The following ELMO1 variants were observed in gnomAD, a reference collection of about 807,000 sequenced individuals.
ELMO1 encodes the protein engulfment and cell motility 1.
In ELMO1, 26 loss-of-function variants were observed where a neutral mutation model predicts 98.9. That is an observed-to-expected ratio of 0.26 (90% CI 0.19 to 0.36). The LOEUF is 0.36. Among genes scored for constraint, ELMO1 ranks in the 10% least tolerant of loss-of-function variants. ELMO1 has a pLI of 1.00. For synonymous variants in ELMO1, 346 were observed against 346.0 expected (o/e 1.00, Z 0.00); for missense variants, 627 against 935.2 (o/e 0.67, Z 4.30).
intron 2 of ELMO1, among the ~76,000 whole-genome samples, chr7:37,321,673 C>T (rs1263924983): frequency 3.9e-5 from 5 of 127,872 alleles, no homozygotes; most frequent in South Asian, 5.2e-4. Flanking sequence ...GCCGAGATCG[C>T]GCCACTGCAC....
At chr7:36,909,353 C>A (rs958077413) in intron 16 of ELMO1, among the ~76,000 whole-genome samples, 1 of 152,130 alleles carries the variant, frequency 6.6e-6, no homozygotes. Flanking sequence ...GGACATCTGA[C>A]AGGTGAAAAC....
chr7:37,157,150 T>A (rs1788834106), intron 13 of ELMO1, among the ~76,000 whole-genome samples: 1 of 152,182 alleles, frequency 6.6e-6, no homozygotes, highest in Non-Finnish European at 1.5e-5. Context: ...AAAATAGGTA[T>A]TGATGGAATG....
chr7:37,098,683 A>G (rs1369179168), intron 14 of ELMO1, among the ~76,000 whole-genome samples: 2 of 152,306 alleles, frequency 1.3e-5, no homozygotes, highest in East Asian at 3.9e-4. Flanking sequence ...CAGGGAAACC[A>G]TTCTGATTCT....
intron 13 of ELMO1, among the ~76,000 whole-genome samples, chr7:37,174,795 C>A (rs117303411): frequency 6.6e-6 from 1 of 152,282 alleles, no homozygotes; most frequent in East Asian, 1.9e-4. Context: ...AGCTGTCCCA[C>A]AATATAATCA....
intron 4 of ELMO1, among the ~76,000 whole-genome samples, chr7:37,278,036 C>A (rs1424256624): frequency 6.6e-6 from 1 of 151,478 alleles, no homozygotes; most frequent in Non-Finnish European, 1.5e-5. Flanking sequence ...ATGACCCATG[C>A]ATGCTTTGAA....
At chr7:37,392,179 C>G (rs1385377858) in intron 1 of ELMO1, among the ~76,000 whole-genome samples, 1 of 152,100 alleles carries the variant, frequency 6.6e-6, no homozygotes, top group African/African-American at 2.4e-5. Context: ...TCTGATGTGG[C>G]TCCAGACTTC....
chr7:37,213,311 G>T (rs201628584), intron 12 of ELMO1, 24 bp downstream of exon 12: 3 of 1,608,094 alleles, frequency 1.9e-6, no homozygotes, highest in East Asian at 2.2e-5. Flanking sequence ...CCTGTGCTTT[G>T]ACTGCTGTCC....
chr7:37,422,005 G>A (rs1477398526), intron 1 of ELMO1, among the ~76,000 whole-genome samples: 1 of 152,118 alleles, frequency 6.6e-6, no homozygotes, highest in Non-Finnish European at 1.5e-5. Context: ...CCATACAAAG[G>A]ATGACCTTTA....
In ELMO1 at chr7:36,854,602, T is replaced by C. The variant is rs986201518; in HGVS notation, c.*949A>G. ...TTGTAAATACCAGTAATAATTACAA[T>C]GATGTAAACTTGGATGTCTGACAGC... On this transcript the variant is annotated 3_prime_UTR_variant, in exon 22 of 22. Transcript: ENST00000310758. 2 of 149,452 alleles carry C rather than the reference T, an allele frequency of 1.3e-5. No individual in the cohort carries two copies. Among genetic ancestry groups the C allele is most frequent in the Non-Finnish European group, 3.0e-5 (2 of 67,626 alleles). 9.3% of individuals were successfully genotyped at this position (149,452 alleles called of 1,614,324 possible).
At chr7:37,406,353 C>G (rs1408120114) in intron 1 of ELMO1, among the ~76,000 whole-genome samples, 4 of 150,748 alleles carry the variant, frequency 2.7e-5, no homozygotes, top group African/African-American at 7.3e-5. Flanking sequence ...AACTCAGTAG[C>G]CACAACAATG....
chr7:36,876,537 A>G (rs1804001314), intron 19 of ELMO1, among the ~76,000 whole-genome samples: 1 of 152,160 alleles, frequency 6.6e-6, no homozygotes, highest in Non-Finnish European at 1.5e-5. Context: ...ACTGGCGGGA[A>G]CATCTGTTAA....
chr7:37,266,675 A>T (rs1476880976), intron 5 of ELMO1, among the ~76,000 whole-genome samples: 2 of 152,176 alleles, frequency 1.3e-5, no homozygotes, highest in Non-Finnish European at 2.9e-5. Context: ...ATATTTGTGT[A>T]TTTCTTTAAT....
intron 1 of ELMO1, among the ~76,000 whole-genome samples, chr7:37,405,871 G>A (rs1361383699): frequency 3.3e-5 from 5 of 152,206 alleles, no homozygotes; most frequent in East Asian, 1.9e-4. Context: ...CTAGCCTCTG[G>A]AAAGTTGGCC....
At chr7:37,126,390 G>C (rs961005060) in intron 14 of ELMO1, among the ~76,000 whole-genome samples, 1 of 150,146 alleles carries the variant, frequency 6.7e-6, no homozygotes, top group Admixed American at 6.7e-5. Context: ...AGAGAAAAGG[G>C]GTCAGGCTTG....
intron 13 of ELMO1, among the ~76,000 whole-genome samples, chr7:37,194,381 A>C (rs1226589309): frequency 6.6e-6 from 1 of 152,052 alleles, no homozygotes; most frequent in Admixed American, 6.5e-5. Flanking sequence ...AACACTCCCC[A>C]TATCCAATCT....
chr7:36,853,147 C>A lies in ELMO1; in HGVS notation c.*2404G>T, dbSNP rs1801966348. ...GGCCAAATATGGGCAACAATCCTTC[C>A]CCACATGGTCACAAAATGAATGGAA... On this transcript the variant is annotated 3_prime_UTR_variant, in exon 22 of 22. Coordinates refer to ENST00000310758, the MANE Select transcript of ELMO1 (RefSeq NM_014800.11). Among the ~76,000 whole-genome samples, 1 of 152,112 alleles carries A rather than the reference C, an allele frequency of 6.6e-6. No homozygotes were observed.
At chr7:37,078,189 A>G (rs1184313926) in intron 15 of ELMO1, among the ~76,000 whole-genome samples, 2 of 152,156 alleles carry the variant, frequency 1.3e-5, no homozygotes, top group African/African-American at 4.8e-5. Flanking sequence ...GATTATATTC[A>G]TCTTTATAAT....
chr7:37,102,386 A>T (rs1784691935), intron 14 of ELMO1, among the ~76,000 whole-genome samples: 1 of 152,226 alleles, frequency 6.6e-6, no homozygotes, highest in South Asian at 2.1e-4. Context: ...CCCTAATAGG[A>T]TGGTTTTAAA....
intron 16 of ELMO1, among the ~76,000 whole-genome samples, chr7:36,973,245 CA>C (rs1016009548): frequency 2.6e-5 from 4 of 152,234 alleles, no homozygotes; most frequent in African/African-American, 4.8e-5. Flanking sequence ...GGATAAAGGC[CA>C]GCCTTCTGCC....
Sources: allele counts gnomAD v4.1 joint callset (sites outside exome capture counted in the v4.1 genomes callset), GRCh38; gene constraint gnomAD v4.1.1; transcripts MANE v1.5; gene names NCBI Gene and HGNC (gene_info 2026-07-23, HGNC 2026-07-21).